The following CENPP variants were observed in gnomAD, a reference collection of about 807,000 sequenced individuals.
The protein encoded by CENPP is centromere protein P.
Under a neutral mutation model 35.6 loss-of-function variants are expected in CENPP, and 24 were observed. That is an observed-to-expected ratio of 0.67 (90% CI 0.49 to 0.95). The LOEUF (loss-of-function observed/expected upper bound fraction) is 0.95, where lower values mean the gene tolerates loss of function less well. Among genes scored for constraint, CENPP ranks in the 40% least tolerant of loss-of-function variants. The pLI, the probability that CENPP is intolerant of heterozygous loss-of-function variation, is 0.00. For synonymous variants in CENPP, 120 were observed against 125.5 expected (o/e 0.96, Z 0.29); for missense variants, 332 against 345.3 (o/e 0.96, Z 0.31).
intron 5 of CENPP, chr9:92,466,610 G>T: frequency 6.5e-7 from 1 of 1,530,746 alleles, no homozygotes; most frequent in Non-Finnish European, 9.0e-7. Flanking sequence ...ATTAGGAAGT[G>T]GATTTGATTT....
In CENPP at chr9:92,352,538, T is replaced by A. The variant is rs1263525499; in HGVS notation, c.467+6751T>A. On this transcript the variant is annotated intron_variant, in intron 4 of 7. Coordinates refer to ENST00000375587, the MANE Select transcript of CENPP (RefSeq NM_001012267.3). Reference sequence around the variant, plus strand: ...ATATATATATATATATATATATATATAATATAACGGGGAGTTTATTAAATA... The same window carrying A: ...ATATATATATATATATATATATATAAAATATAACGGGGAGTTTATTAAATA... Among the ~76,000 whole-genome samples, 69 of 114,384 alleles carry A rather than the reference T, an allele frequency of 6.0e-4. 2 individuals carry two copies. The highest frequency in any genetic ancestry group is 4.1e-3 in the Middle Eastern group (1 of 244). The allele number at this position is 114,384 out of a possible 152,430, so 75.0% of individuals were successfully genotyped here.
In CENPP at chr9:92,611,365, A is replaced by C; in HGVS notation, c.616A>C (p.Met206Leu). The C allele has an allele frequency of 6.2e-7, 1 of 1,613,380 alleles. No individual in the cohort carries two copies. The highest frequency in any genetic ancestry group is 8.5e-7 in the Non-Finnish European group (1 of 1,179,926). Reference protein sequence around the residue: ...YLSEGPSSCSMGIRSASRPGF... With the variant: ...YLSEGPSSCSLGIRSASRPGF... ...CTCGGAGGGGCCCTCCTCCTGCTCCATGGGGATCCGCAGCGCCAGCCGGCC... is the reference window on the plus strand; with the variant it reads ...CTCGGAGGGGCCCTCCTCCTGCTCCCTGGGGATCCGCAGCGCCAGCCGGCC... The change falls in exon 6 of 8, where the codon ATG (methionine) becomes CTG (leucine). Residue 206 changes from methionine (M) to leucine (L), a missense_variant. Transcript: ENST00000375587.
At chr9:92,502,107 G>T (rs1269084533) in intron 5 of CENPP, among the ~76,000 whole-genome samples, 1 of 152,212 alleles carries the variant, frequency 6.6e-6, no homozygotes, top group African/African-American at 2.4e-5. Flanking sequence ...CTCACTGTGT[G>T]CAGGGGAATA....
intron 5 of CENPP, among the ~76,000 whole-genome samples, chr9:92,604,036 GT>G: frequency 6.6e-6 from 1 of 152,294 alleles, no homozygotes; most frequent in African/African-American, 2.4e-5. Flanking sequence ...TTTGCATGCA[GT>G]TTTTTTGTAT....
At chr9:92,502,410 C>T (rs751491095) in intron 5 of CENPP, 8 of 1,399,796 alleles carry the variant, frequency 5.7e-6, no homozygotes, top group Admixed American at 2.1e-5. Context: ...CCTTCAGTAT[C>T]GTCACCTCCC....
Position 92,612,508 on chromosome 9 carries a change from T to C in CENPP, c.645-15T>C. 6.2e-7 allele frequency: 1 copy of C among 1,600,476 alleles called. No homozygotes were observed. Among genetic ancestry groups the C allele is most frequent in the Non-Finnish European group, 8.6e-7 (1 of 1,167,532 alleles). ...TTCAAAAAGCACATAACGACATGTT[T>C]TACTGCTTTTTCAGGTTTGAATTAG... On this transcript the variant is annotated splice_polypyrimidine_tract_variant and intron_variant, in intron 6 of 7. Coordinates refer to ENST00000375587, the MANE Select transcript of CENPP (RefSeq NM_001012267.3).
intron 4 of CENPP, among the ~76,000 whole-genome samples, chr9:92,368,465 G>A (rs918174173): frequency 5.9e-5 from 9 of 152,100 alleles, no homozygotes; most frequent in Non-Finnish European, 1.2e-4. Context: ...TCATGGGGCC[G>A]TTTATTCAAT....
chr9:92,548,308 A>G (rs1849516338), intron 5 of CENPP, among the ~76,000 whole-genome samples: 1 of 152,224 alleles, frequency 6.6e-6, no homozygotes, highest in Non-Finnish European at 1.5e-5. Context: ...ATCAGACAGT[A>G]AATTAATGTG....
intron 5 of CENPP, chr9:92,517,606 T>C (rs1186120680): frequency 6.3e-6 from 10 of 1,578,898 alleles, no homozygotes; most frequent in Non-Finnish European, 8.7e-6. Flanking sequence ...ATCATAATTT[T>C]AATCTAAAAT....
At chr9:92,436,818 T>C (rs557673078) in intron 5 of CENPP, among the ~76,000 whole-genome samples, 3 of 152,336 alleles carry the variant, frequency 2.0e-5, no homozygotes, top group African/African-American at 7.2e-5. Context: ...AGAATGACTT[T>C]TCTCACTATA....
intron 5 of CENPP, among the ~76,000 whole-genome samples, chr9:92,515,375 A>G (rs549667756): frequency 1.3e-5 from 2 of 152,314 alleles, no homozygotes; most frequent in East Asian, 3.9e-4. Flanking sequence ...TAGTCACTTT[A>G]TTTCTATTTT....
intron 4 of CENPP, among the ~76,000 whole-genome samples, chr9:92,352,957 A>G (rs1841502016): frequency 6.6e-6 from 1 of 152,112 alleles, no homozygotes; most frequent in Non-Finnish European, 1.5e-5. Context: ...TTGAACCCAT[A>G]CACATCTCCT....
chr9:92,518,163 CA>C (rs546879809), intron 5 of CENPP, among the ~76,000 whole-genome samples: 92 of 152,288 alleles, frequency 6.0e-4, no homozygotes, highest in African/African-American at 2.1e-3. Flanking sequence ...TTAAATTATA[CA>C]ACATCAACAA....
intron 5 of CENPP, among the ~76,000 whole-genome samples, chr9:92,449,798 G>T (rs1588137140): frequency 6.6e-6 from 1 of 152,000 alleles, no homozygotes; most frequent in Admixed American, 6.6e-5. Context: ...TTCTCCTTCC[G>T]CCATCATTGG....
intron 5 of CENPP, among the ~76,000 whole-genome samples, chr9:92,493,018 C>A (rs1228525635): frequency 6.6e-6 from 1 of 152,168 alleles, no homozygotes; most frequent in African/African-American, 2.4e-5. Flanking sequence ...AAACAGGCAG[C>A]CTCTTCCTAA....
intron 5 of CENPP, among the ~76,000 whole-genome samples, chr9:92,573,927 C>T (rs542848450): frequency 2.2e-4 from 34 of 152,262 alleles, no homozygotes; most frequent in Middle Eastern, 3.4e-3. Flanking sequence ...CCTGGTGTGC[C>T]GTTTGCTAAG....
chr9:92,466,579 A>G (rs1845323349), intron 5 of CENPP: 2 of 1,607,724 alleles, frequency 1.2e-6, no homozygotes, highest in Admixed American at 1.7e-5. Flanking sequence ...ACCCTTGATC[A>G]AGCATAGAAA....
chr9:92,570,958 T>A (rs1271360318), intron 5 of CENPP, among the ~76,000 whole-genome samples: 2 of 152,180 alleles, frequency 1.3e-5, no homozygotes, highest in East Asian at 3.9e-4. Context: ...ATCTATTTGA[T>A]TCTTCTCTCT....
At chr9:92,412,793 A>G (rs1438942728) in intron 5 of CENPP, among the ~76,000 whole-genome samples, 1 of 152,174 alleles carries the variant, frequency 6.6e-6, no homozygotes, top group Admixed American at 6.5e-5. Context: ...ATATGGCTGA[A>G]TAATATTCCA....
Sources: allele counts gnomAD v4.1 joint callset (sites outside exome capture counted in the v4.1 genomes callset), GRCh38; gene constraint gnomAD v4.1.1; transcripts MANE v1.5; gene names NCBI Gene and HGNC (gene_info 2026-07-23, HGNC 2026-07-21).